GNAT2: variants seen among roughly 807,000 people sequenced by gnomAD.
GNAT2 encodes G protein subunit alpha transducin 2, also known as guanine nucleotide-binding protein G(t) subunit alpha-2.
A neutral mutation model predicts 40.9 loss-of-function variants in GNAT2; 32 were observed. The ratio of observed to expected loss-of-function variants is 0.78; its 90% CI spans 0.59 to 1.05. The LOEUF (loss-of-function observed/expected upper bound fraction) is 1.05, where lower values mean the gene tolerates loss of function less well. GNAT2 is among the 50% of genes least tolerant of loss of function. The pLI is 0.00. For synonymous variants in GNAT2, 141 were observed against 157.2 expected (o/e 0.90, Z 0.77); for missense variants, 355 against 431.5 (o/e 0.82, Z 1.57).
intron 3 of GNAT2, 56 bp downstream of exon 3, chr1:109,610,408 CT>C (rs1208926170): frequency 6.6e-7 from 1 of 1,523,464 alleles, no homozygotes; most frequent in Non-Finnish European, 9.1e-7. Context: ...AATACCTCCA[CT>C]GGCTGTACTG....
chr1:109,606,874 TGA>T, intron 5 of GNAT2: 3 of 204,522 alleles, frequency 1.5e-5, no homozygotes, highest in African/African-American at 2.3e-5. Context: ...TGGGGAAATT[TGA>T]ACACCGACTT....
At chr1:109,604,632 C>T (rs141169907) in intron 7 of GNAT2, 2,506 of 169,062 alleles carry the variant, frequency 0.015, 32 homozygotes, top group Non-Finnish European at 0.019. Flanking sequence ...TAGAGAATTT[C>T]CCAGTGCCAT....
intron 1 of GNAT2, chr1:109,616,063 A>G (rs1277499831): frequency 6.6e-6 from 1 of 152,178 alleles, no homozygotes; most frequent in Non-Finnish European, 1.5e-5. Context: ...AAGCTGAGAG[A>G]GGGAACTGCT....
At chr1:109,617,320 C>T (rs1649975486) in intron 1 of GNAT2, 1 of 152,184 alleles carries the variant, frequency 6.6e-6, no homozygotes, top group African/African-American at 2.4e-5. Context: ...CAGGAGTGCA[C>T]CATCTTTAGG....
intron 4 of GNAT2, chr1:109,609,199 T>C (rs187495033): frequency 1.8e-4 from 44 of 238,122 alleles, no homozygotes; most frequent in Non-Finnish European, 2.7e-4. Flanking sequence ...GATTGAAAGC[T>C]AGAAAAAGTC....
intron 1 of GNAT2, chr1:109,615,841 T>G (rs1029402444): frequency 1.3e-5 from 2 of 152,222 alleles, no homozygotes; most frequent in Non-Finnish European, 2.9e-5. Flanking sequence ...TGATCCTTCT[T>G]TCTATTACTT....
chr1:109,610,319 AC>A (rs1310646686), intron 3 of GNAT2, 138 bp from the exon 4 acceptor site: 3 of 1,199,232 alleles, frequency 2.5e-6, no homozygotes, highest in Non-Finnish European at 3.7e-6. Flanking sequence ...AGGGTGAGGG[AC>A]AAGGGGTACA....
intron 5 of GNAT2, 68 bp from the exon 6 acceptor site, chr1:109,606,504 C>T: frequency 7.4e-7 from 1 of 1,353,634 alleles, no homozygotes; most frequent in South Asian, 1.2e-5. Context: ...TAAAAGGTAT[C>T]TTACCCAAAG....
chr1:109,612,655 C>T (rs1649832311), intron 2 of GNAT2, 98 bp downstream of exon 2: 1 of 802,884 alleles, frequency 1.2e-6, no homozygotes, highest in Non-Finnish European at 2.2e-6. Flanking sequence ...AATGACCTGC[C>T]ACCCTTCCTT....
At chr1:109,610,420 A>C in intron 3 of GNAT2, 45 bp downstream of exon 3, 1 of 1,577,680 alleles carries the variant, frequency 6.3e-7, no homozygotes, top group Non-Finnish European at 8.7e-7. Context: ...GGCTGTACTG[A>C]CTTCTTCACC....
intron 7 of GNAT2, 126 bp downstream of exon 7, chr1:109,605,844 T>A: frequency 1.2e-6 from 1 of 823,808 alleles, no homozygotes; most frequent in South Asian, 1.4e-5. Context: ...AGACATTGAT[T>A]GGTCTGCTGG....
At chr1:109,619,330 GC>G (rs1182953074) in intron 1 of GNAT2, among the ~76,000 whole-genome samples, 152 bp downstream of exon 1, 5 of 152,208 alleles carry the variant, frequency 3.3e-5, no homozygotes, top group African/African-American at 1.2e-4. Context: ...CGAAATAGAA[GC>G]ACAGAGAAGT....
At position 109,610,900 on chromosome 1, in the gene GNAT2, T is replaced by G. The variant is rs1007082551; in HGVS notation, c.119-393A>C. Reference sequence around the variant, plus strand: ...CACTAACAGATTCAGGGGGAGTCCTTTAACATTTCTCCTCTCTGCCTATTT... The same window carrying G: ...CACTAACAGATTCAGGGGGAGTCCTGTAACATTTCTCCTCTCTGCCTATTT... On this transcript the variant is annotated intron_variant, in intron 2 of 8. Coordinates refer to ENST00000679935, the MANE Select transcript of GNAT2 (RefSeq NM_001377295.2). 2.1e-4 allele frequency: 66 copies of G among 312,592 alleles called. 1 individual carries two copies. The Middle Eastern group carries it at 3.4e-3, about 16-fold the overall frequency. The allele number at this position is 312,592 out of a possible 1,614,324, so 19.4% of individuals were successfully genotyped here.
chr1:109,608,455 T>C (rs759999746), intron 5 of GNAT2, 176 bp downstream of exon 5: 4 of 686,758 alleles, frequency 5.8e-6, no homozygotes, highest in Non-Finnish European at 1.1e-5. Context: ...CCCCATAGCA[T>C]TAAATTCAAA....
At chr1:109,603,823 A>G (rs994095495) in intron 8 of GNAT2, 128 bp downstream of exon 8, 1 of 782,730 alleles carries the variant, frequency 1.3e-6, no homozygotes, top group Non-Finnish European at 2.2e-6. Context: ...GAGTATCTGA[A>G]TTTAAACCCT....
At chr1:109,616,968 A>G (rs561405963) in intron 1 of GNAT2, 1 of 152,466 alleles carries the variant, frequency 6.6e-6, no homozygotes, top group East Asian at 1.9e-4. Context: ...AAGCGCCTTC[A>G]ATGGCAAGGG....
Position 109,615,608 on chromosome 1 carries a change from G to GA in GNAT2, c.-53-2686dup, listed in dbSNP as rs756793113. On this transcript the variant is annotated intron_variant, in intron 1 of 8. Transcript: ENST00000679935. The stretch of plus-strand genomic sequence containing the variant: ...GGCAACAGAGCAAGATTCCGTCTCA[G>GA]AAAAAAAAAAAAAAAAGAAAAGAAA... The GA allele has an allele frequency of 2.8e-3, 164 of 58,474 alleles. 1 individual carries two copies. The highest frequency in any genetic ancestry group is 5.2e-3 in the African/African-American group (106 of 20,374). 3.6% of individuals were successfully genotyped at this position (58,474 alleles called of 1,614,324 possible).
rs1308340573 is a variant in GNAT2 at position 109,605,711 on chromosome 1, T to C, written c.720+259A>G. The C allele has an allele frequency of 6.7e-6, 3 of 445,252 alleles. No individual in the cohort carries two copies. The Admixed American group carries it at 9.9e-5, about 15-fold the overall frequency. 27.6% of individuals were successfully genotyped at this position (445,252 alleles called of 1,614,324 possible). A position where few individuals can be genotyped will look rare whatever the true frequency, so the allele number is the denominator to read the frequency against. On this transcript the variant is annotated intron_variant, in intron 7 of 8. Coordinates refer to ENST00000679935, the MANE Select transcript of GNAT2 (RefSeq NM_001377295.2). Reference sequence around the variant, plus strand: ...TGCACTCAATTCCTCTTATGAGCTTTGTGATGTCCAAGTGATACTTAGATG... The same window carrying C: ...TGCACTCAATTCCTCTTATGAGCTTCGTGATGTCCAAGTGATACTTAGATG...
chr1:109,609,892 C>T (rs1382184259), intron 4 of GNAT2, 148 bp downstream of exon 4: 4 of 790,270 alleles, frequency 5.1e-6, no homozygotes, highest in Non-Finnish European at 8.9e-6. Context: ...ATACACAGTA[C>T]ACCTAGCAGT....
Sources: allele counts gnomAD v4.1 joint callset (sites outside exome capture counted in the v4.1 genomes callset), GRCh38; gene constraint gnomAD v4.1.1; transcripts MANE v1.5; gene names NCBI Gene and HGNC (gene_info 2026-07-23, HGNC 2026-07-21).